The following AGAP1 variants were observed in gnomAD, a reference collection of about 807,000 sequenced individuals.
AGAP1 encodes ArfGAP with GTPase domain, ankyrin repeat and PH domain 1.
Under a neutral mutation model 105.3 loss-of-function variants are expected in AGAP1, and 29 were observed. That is an observed-to-expected ratio of 0.28 (90% CI 0.21 to 0.38). AGAP1 has a LOEUF of 0.38. AGAP1 is among the 10% of genes least tolerant of loss of function. The pLI is 1.00. For missense variants in AGAP1, 998 were observed against 1,165.1 expected, an observed-to-expected ratio of 0.86 and a Z score of 2.09; for synonymous variants, 509 against 485.9, an observed-to-expected ratio of 1.05 and a Z score of -0.63.
rs1212886519 is a variant in AGAP1 at position 236,127,626 on chromosome 2, C to A, written c.*3504C>A. 6.6e-6 allele frequency: 1 copy of A among 152,260 alleles called. No homozygotes were observed. The highest frequency in any genetic ancestry group is 2.4e-5 in the African/African-American group (1 of 41,444). 9.4% of individuals were successfully genotyped at this position (152,260 alleles called of 1,614,324 possible). On this transcript the variant is annotated 3_prime_UTR_variant, in exon 18 of 18. Coordinates refer to ENST00000304032, the MANE Select transcript of AGAP1 (RefSeq NM_001037131.3). This position sits in a 1 kb window ranked among gnomAD's most constrained non-coding sequence, Gnocchi z 6.6. Reference sequence around the variant, plus strand: ...GAGATTTCACCCAGCCTGATGAGGCCTGCATGGTTCCGGCCTCGTCATCCA... The same window carrying A: ...GAGATTTCACCCAGCCTGATGAGGCATGCATGGTTCCGGCCTCGTCATCCA...
At position 235,739,499 on chromosome 2, in the gene AGAP1, C is replaced by T. The variant is rs567116725; in HGVS notation, c.311-1464C>T. Among the ~76,000 whole-genome samples, 45 of 152,212 alleles carry T rather than the reference C, an allele frequency of 3.0e-4. No individual in the cohort carries two copies. The highest frequency in any genetic ancestry group is 5.6e-4 in the Non-Finnish European group (38 of 68,038). On this transcript the variant is annotated intron_variant, in intron 3 of 17. Coordinates refer to ENST00000304032, the MANE Select transcript of AGAP1 (RefSeq NM_001037131.3). The surrounding 1 kb of genome is among the most constrained non-coding windows in gnomAD (Gnocchi z 5.3). The stretch of plus-strand genomic sequence containing the variant: ...GCCTGACCATTTCCAGTGGGCCCTA[C>T]CGTCTTGTTTCAGTGACTGGGGGGA...
chr2:236,102,219 C>T (rs186915561), intron 16 of AGAP1, among the ~76,000 whole-genome samples: 130 of 152,180 alleles, frequency 8.5e-4, no homozygotes, highest in African/African-American at 1.4e-3. Context: ...AGATCGAGAC[C>T]ATCCTGGCTA....
At chr2:235,862,542 T>A (rs2048970539) in intron 9 of AGAP1, among the ~76,000 whole-genome samples, 1 of 152,230 alleles carries the variant, frequency 6.6e-6, no homozygotes, top group African/African-American at 2.4e-5. Context: ...GCAGATGCCA[T>A]CTGCCATCAC....
intron 1 of AGAP1, among the ~76,000 whole-genome samples, chr2:235,499,500 C>A (rs1941472810): frequency 6.6e-6 from 1 of 152,178 alleles, no homozygotes; most frequent in Non-Finnish European, 1.5e-5. Flanking sequence ...GGTTTGCAGT[C>A]CCCTCCTTAA....
rs958552634 is a variant in AGAP1, at chr2:235,959,501, G to A, written c.1484-8961G>A. On this transcript the variant is annotated intron_variant, in intron 12 of 17. Transcript: ENST00000304032. This position sits in a 1 kb window ranked among gnomAD's most constrained non-coding sequence, Gnocchi z 7.3. ...TGGCCGAGCTCAGCGCCCAGTGGAC[G>A]GGAACCCGGTCCTTCTTGCCATGAG... 2.0e-5 allele frequency among the ~76,000 whole-genome samples: 3 copies of A among 152,118 alleles called. No individual in the cohort carries two copies. The highest frequency in any genetic ancestry group is 7.2e-5 in the African/African-American group (3 of 41,420).
rs1003809401 is a variant in AGAP1, at chr2:236,130,889, C to T, written c.*6767C>T. 3.9e-5 allele frequency: 6 copies of T among 152,264 alleles called. No homozygotes were observed. Among genetic ancestry groups the T allele is most frequent in the Admixed American group, 2.0e-4 (3 of 15,268 alleles). 9.4% of individuals were successfully genotyped at this position (152,264 alleles called of 1,614,324 possible). A position where few individuals can be genotyped will look rare whatever the true frequency, so the allele number is the denominator to read the frequency against. On this transcript the variant is annotated 3_prime_UTR_variant, in exon 18 of 18. Transcript: ENST00000304032. This position sits in a 1 kb window ranked among gnomAD's most constrained non-coding sequence, Gnocchi z 5.8. ...GTCTCACGCACTGCTCAGGTTGGCA[C>T]GAGGGACCTCCCCCATCCCAACCCA...
chr2:235,562,373 A>G (rs1311511987), intron 1 of AGAP1, among the ~76,000 whole-genome samples: 1 of 151,922 alleles, frequency 6.6e-6, no homozygotes, highest in African/African-American at 2.4e-5. Flanking sequence ...AACGGTGGGG[A>G]GAGATGGTTC....
chr2:235,807,101 G>T lies in AGAP1; in HGVS notation c.958-138G>T. 5.4e-6 allele frequency: 4 copies of T among 740,390 alleles called. No homozygotes were observed. The South Asian group carries it at 7.0e-5, about 13-fold the overall frequency. 45.9% of individuals were successfully genotyped at this position (740,390 alleles called of 1,614,324 possible). A position where few individuals can be genotyped will look rare whatever the true frequency, so the allele number is the denominator to read the frequency against. ...AGATGAACTACTGAGCTGTCTGCTCGTCGGACGTGTCTGTGCGCACACATA... is the reference window on the plus strand; with the variant it reads ...AGATGAACTACTGAGCTGTCTGCTCTTCGGACGTGTCTGTGCGCACACATA... On this transcript the variant is annotated intron_variant, in intron 8 of 17. Transcript: ENST00000304032.
At chr2:235,680,908 A>G (rs76745882) in intron 1 of AGAP1, among the ~76,000 whole-genome samples, 7,656 of 152,162 alleles carry the variant, frequency 0.05, 587 homozygotes, top group African/African-American at 0.17. Flanking sequence ...AACCCAGATA[A>G]GATGATCATG....
intron 16 of AGAP1, among the ~76,000 whole-genome samples, chr2:236,116,509 C>T (rs181199458): frequency 4.0e-5 from 6 of 151,680 alleles, no homozygotes; most frequent in South Asian, 2.1e-4. Context: ...GCCACCACAC[C>T]GGCTAATTTT....
At chr2:235,857,932 T>G (rs2048757256) in intron 9 of AGAP1, among the ~76,000 whole-genome samples, 1 of 152,214 alleles carries the variant, frequency 6.6e-6, no homozygotes, top group African/African-American at 2.4e-5. Context: ...GTGTGAGGCT[T>G]ATACCCAGGG....
At position 235,969,309 on chromosome 2, in the gene AGAP1, CACACACACAT is replaced by C. The variant is rs562804912; in HGVS notation, c.1645+696_1645+705del. On this transcript the variant is annotated intron_variant, in intron 13 of 17. Transcript: ENST00000304032. ...GTAGAGATAGGTAAGCGCATGCGTACACACACACATACACACACACCCCCCACATTATGAG... is the reference window on the plus strand; with the variant it reads ...GTAGAGATAGGTAAGCGCATGCGTACACACACACACCCCCCACATTATGAG... Among the ~76,000 whole-genome samples, 706 of 151,818 alleles carry C rather than the reference CACACACACAT, an allele frequency of 4.7e-3. 3 individuals carry two copies. Among genetic ancestry groups the C allele is most frequent in the Middle Eastern group, 0.017 (5 of 294 alleles).
intron 2 of AGAP1, among the ~76,000 whole-genome samples, chr2:235,710,527 T>C (rs1445964306): frequency 8.5e-5 from 13 of 152,332 alleles, no homozygotes; most frequent in Non-Finnish European, 4.4e-5. Flanking sequence ...TGAAGGTCTC[T>C]GGGCTGTCTC....
In AGAP1 at chr2:235,706,514, C is replaced by T. The variant is rs538715091; in HGVS notation, c.164-2665C>T. Among the ~76,000 whole-genome samples the T allele has an allele frequency of 3.3e-4, 50 of 152,286 alleles. 1 individual carries two copies. The highest frequency in any genetic ancestry group is 1.1e-3 in the African/African-American group (45 of 41,550). Reference sequence around the variant, plus strand: ...AATTACAGGCCTGAGCCACCGCGCCCGGCCAAGCGTATACATATTTTGCAC... The same window carrying T: ...AATTACAGGCCTGAGCCACCGCGCCTGGCCAAGCGTATACATATTTTGCAC... On this transcript the variant is annotated intron_variant, in intron 1 of 17. Transcript: ENST00000304032.
intron 16 of AGAP1, among the ~76,000 whole-genome samples, chr2:236,094,737 A>G (rs899462601): frequency 6.6e-6 from 1 of 152,060 alleles, no homozygotes; most frequent in African/African-American, 2.4e-5. Context: ...ATGTAAGTGC[A>G]TACAGAATGA....
intron 3 of AGAP1, among the ~76,000 whole-genome samples, chr2:235,735,182 C>A (rs538082029): frequency 5.9e-5 from 9 of 152,352 alleles, no homozygotes; most frequent in Admixed American, 3.9e-4. Context: ...GGCACACTGT[C>A]GTTGCCATAG....
Position 236,092,781 on chromosome 2 carries a change from G to A in AGAP1, c.2115-27411G>A, listed in dbSNP as rs945103112. Among the ~76,000 whole-genome samples the A allele has an allele frequency of 6.6e-6, 1 of 152,208 alleles. No individual in the cohort carries two copies. Among genetic ancestry groups the A allele is most frequent in the Non-Finnish European group, 1.5e-5 (1 of 68,038 alleles). On this transcript the variant is annotated intron_variant, in intron 16 of 17. Transcript: ENST00000304032. This position sits in a 1 kb window ranked among gnomAD's most constrained non-coding sequence, Gnocchi z 4.7. Reference sequence around the variant, plus strand: ...AAACAATCAAGCAAAATAAAAGGTGGCTTCCCTTAAAAGAATCAGGGCTCC... The same window carrying A: ...AAACAATCAAGCAAAATAAAAGGTGACTTCCCTTAAAAGAATCAGGGCTCC...
At chr2:235,683,434 T>C (rs959509141) in intron 1 of AGAP1, among the ~76,000 whole-genome samples, 2 of 151,618 alleles carry the variant, frequency 1.3e-5, no homozygotes, top group African/African-American at 4.8e-5. Context: ...TATAATGCCA[T>C]CTACATTTGT....
In AGAP1 at chr2:235,586,079, C is replaced by G. The variant is rs939129041; in HGVS notation, c.163+91230C>G. ...GGATTTAGGAGCTTCATGAGCGAGT[C>G]AAATGCAAGTTGGGGAAGTGGCTGA... On this transcript the variant is annotated intron_variant, in intron 1 of 17. Transcript: ENST00000304032. This position sits in a 1 kb window ranked among gnomAD's most constrained non-coding sequence, Gnocchi z 4.2. Among the ~76,000 whole-genome samples the G allele has an allele frequency of 6.6e-6, 1 of 152,026 alleles. No homozygotes were observed. Among genetic ancestry groups the G allele is most frequent in the Non-Finnish European group, 1.5e-5 (1 of 68,012 alleles).
Sources: allele counts gnomAD v4.1 joint callset (sites outside exome capture counted in the v4.1 genomes callset), GRCh38; gene constraint gnomAD v4.1.1; non-coding constraint Gnocchi (gnomAD v3.1); transcripts MANE v1.5; gene names NCBI Gene and HGNC (gene_info 2026-07-23, HGNC 2026-07-21).